MARK1: variants seen among roughly 807,000 people sequenced by gnomAD.
MARK1 encodes microtubule affinity regulating kinase 1.
In MARK1, 40 loss-of-function variants were observed where a neutral mutation model predicts 96.3. The ratio of observed to expected loss-of-function variants is 0.42; its 90% CI spans 0.32 to 0.54. The LOEUF is 0.54. Ranked by LOEUF, MARK1 falls within the 20% of genes least tolerant of loss-of-function variation. The probability of loss-of-function intolerance (pLI) is 0.16; values close to 1 mark genes in which losing one functional copy is unlikely to be tolerated. For synonymous variants in MARK1, 317 were observed against 341.2 expected (o/e 0.93, Z 0.78); for missense variants, 719 against 984.6 (o/e 0.73, Z 3.61).
intron 6 of MARK1, among the ~76,000 whole-genome samples, chr1:220,605,727 A>T (rs1014800783): frequency 7.3e-5 from 10 of 137,574 alleles, no homozygotes; most frequent in Non-Finnish European, 1.2e-4. Flanking sequence ...AAGTGATCTC[A>T]TTGTTCAATT....
chr1:220,590,325 G>T (rs1023665489), intron 3 of MARK1, among the ~76,000 whole-genome samples: 1 of 152,186 alleles, frequency 6.6e-6, no homozygotes, highest in African/African-American at 2.4e-5. Context: ...CACAGACTGG[G>T]TGACTTAACA....
In MARK1 at chr1:220,618,830, C is replaced by G. The variant is rs1339466930; in HGVS notation, c.909+75C>G. On this transcript the variant is annotated intron_variant, in intron 9 of 17. Transcript: ENST00000366917. This position sits in a 1 kb window ranked among gnomAD's most constrained non-coding sequence, Gnocchi z 4.6. ...CCAGGAACCGAAGAGCATTTTTCTC[C>G]TATGTTTTCTTAGGAAAATTGCCAA... 1 of 1,315,664 alleles carries G rather than the reference C, an allele frequency of 7.6e-7. No individual in the cohort carries two copies. Among genetic ancestry groups the G allele is most frequent in the East Asian group, 2.6e-5 (1 of 38,896 alleles). 81.5% of individuals were successfully genotyped at this position (1,315,664 alleles called of 1,614,324 possible).
intron 1 of MARK1, among the ~76,000 whole-genome samples, chr1:220,575,713 A>G (rs1663783483): frequency 6.6e-6 from 1 of 152,042 alleles, no homozygotes; most frequent in African/African-American, 2.4e-5. Flanking sequence ...ATATAAATGT[A>G]TTGTGTATAA....
chr1:220,637,124 GA>G (rs893723104), intron 13 of MARK1, among the ~76,000 whole-genome samples: 3 of 152,128 alleles, frequency 2.0e-5, no homozygotes, highest in African/African-American at 7.2e-5. Context: ...GTGACCATTT[GA>G]AAACACCTTA....
chr1:220,550,145 C>A (rs113409448), intron 1 of MARK1, among the ~76,000 whole-genome samples: 2,356 of 152,310 alleles, frequency 0.015, 33 homozygotes, highest in Middle Eastern at 0.044. Flanking sequence ...TGGAATCTCT[C>A]TCTTGAGACT....
chr1:220,583,814 A>ATTTTTTTTTT (rs34848222), intron 3 of MARK1, among the ~76,000 whole-genome samples: 945 of 105,344 alleles, frequency 9.0e-3, no homozygotes, highest in Middle Eastern at 0.016. Flanking sequence ...TGCCTGGCTA[A>ATTTTTTTTTT]TTTTTTTTTT....
In MARK1 at chr1:220,635,838, C is replaced by G; in HGVS notation, c.1282C>G (p.Pro428Ala). 1 of 1,579,546 alleles carries G rather than the reference C, an allele frequency of 6.3e-7. No individual in the cohort carries two copies. The highest frequency in any genetic ancestry group is 8.6e-7 in the Non-Finnish European group (1 of 1,167,022). The part of the protein sequence containing the change: ...KQRRFSDHAG[P>A]SIPPAVSYTK... ...TATTTTTAAAAAAATTATAGCTGGTCCATCCATTCCTCCTGCTGTATCATA... is the reference window on the plus strand; with the variant it reads ...TATTTTTAAAAAAATTATAGCTGGTGCATCCATTCCTCCTGCTGTATCATA... The change falls in exon 13 of 18, where the codon CCA (proline) becomes GCA (alanine). Residue 428 changes from proline to alanine, a missense_variant. Transcript: ENST00000366917.
At chr1:220,567,238 C>T (rs1342830781) in intron 1 of MARK1, among the ~76,000 whole-genome samples, 1 of 152,076 alleles carries the variant, frequency 6.6e-6, no homozygotes, top group East Asian at 1.9e-4. Context: ...CTACTGATGG[C>T]TATTTAGGTT....
intron 3 of MARK1, among the ~76,000 whole-genome samples, chr1:220,594,990 T>C (rs1426452116): frequency 6.6e-6 from 1 of 152,076 alleles, no homozygotes; most frequent in Admixed American, 6.6e-5. Flanking sequence ...GAGTGAACAG[T>C]AATGTAAATG....
At chr1:220,626,633 C>G (rs1667354421) in intron 9 of MARK1, 1 of 354,914 alleles carries the variant, frequency 2.8e-6, no homozygotes, top group African/African-American at 2.1e-5. Flanking sequence ...ACCAGCCTGG[C>G]CAACATGGTG....
At chr1:220,596,873 A>G (rs968251314) in intron 3 of MARK1, among the ~76,000 whole-genome samples, 1 of 152,138 alleles carries the variant, frequency 6.6e-6, no homozygotes, top group Non-Finnish European at 1.5e-5. Context: ...CCAGTGCCCC[A>G]TCCTTCCAGC....
At chr1:220,587,982 T>C (rs982653052) in intron 3 of MARK1, among the ~76,000 whole-genome samples, 4 of 152,170 alleles carry the variant, frequency 2.6e-5, no homozygotes, top group Non-Finnish European at 5.9e-5. Flanking sequence ...TCCAGTGTAG[T>C]TGTACCGATT....
intron 13 of MARK1, among the ~76,000 whole-genome samples, chr1:220,642,907 C>T (rs571332134): frequency 7.9e-5 from 12 of 152,082 alleles, no homozygotes; most frequent in East Asian, 5.8e-4. Context: ...CAGAAAGCAA[C>T]GACAAGTACA....
At chr1:220,547,608 A>G (rs1265190367) in intron 1 of MARK1, among the ~76,000 whole-genome samples, 3 of 152,014 alleles carry the variant, frequency 2.0e-5, no homozygotes, top group African/African-American at 7.3e-5. Flanking sequence ...TCTGCCACCC[A>G]GGCTGGAGTG....
intron 1 of MARK1, among the ~76,000 whole-genome samples, chr1:220,534,129 T>G (rs1428017083): frequency 6.6e-6 from 1 of 152,020 alleles, no homozygotes; most frequent in Admixed American, 6.6e-5. Flanking sequence ...AGGTGGCAAT[T>G]TTATTTTTTT....
At position 220,618,809 on chromosome 1, in the gene MARK1, G is replaced by A. The variant is rs1261307274; in HGVS notation, c.909+54G>A. ...AATTTTAACAATTAAAATATTCCAG[G>A]AACCGAAGAGCATTTTTCTCCTATG... is the stretch of plus-strand genomic sequence containing the variant. On this transcript the variant is annotated intron_variant, in intron 9 of 17. Coordinates refer to ENST00000366917, the MANE Select transcript of MARK1 (RefSeq NM_018650.5). The surrounding 1 kb of genome is among the most constrained non-coding windows in gnomAD (Gnocchi z 4.6). 6.9e-7 allele frequency: 1 copy of A among 1,445,858 alleles called. No homozygotes were observed. Among genetic ancestry groups the A allele is most frequent in the Non-Finnish European group, 9.3e-7 (1 of 1,075,042 alleles). The allele number at this position is 1,445,858 out of a possible 1,614,324, so 89.6% of individuals were successfully genotyped here. A position where few individuals can be genotyped will look rare whatever the true frequency, so the allele number is the denominator to read the frequency against.
chr1:220,569,342 A>G (rs1663274577), intron 1 of MARK1, among the ~76,000 whole-genome samples: 1 of 151,866 alleles, frequency 6.6e-6, no homozygotes, highest in South Asian at 2.1e-4. Flanking sequence ...ATATAAGGAG[A>G]GTTTTTTAAA....
At chr1:220,633,286 G>A (rs1040774388) in intron 11 of MARK1, among the ~76,000 whole-genome samples, 3 of 152,122 alleles carry the variant, frequency 2.0e-5, no homozygotes, top group African/African-American at 7.2e-5. Context: ...TAAAAGCAAT[G>A]ATTCTTTAGG....
chr1:220,582,678 A>G (rs1236365454), intron 3 of MARK1, among the ~76,000 whole-genome samples: 1 of 152,368 alleles, frequency 6.6e-6, no homozygotes, highest in African/African-American at 2.4e-5. Flanking sequence ...CCAAGGTTGT[A>G]TAAACAAAGT....
Sources: allele counts gnomAD v4.1 joint callset (sites outside exome capture counted in the v4.1 genomes callset), GRCh38; gene constraint gnomAD v4.1.1; non-coding constraint Gnocchi (gnomAD v3.1); transcripts MANE v1.5; gene names NCBI Gene and HGNC (gene_info 2026-07-23, HGNC 2026-07-21).